MTHFD2: variants seen among roughly 807,000 people sequenced by gnomAD.
MTHFD2 encodes the protein methylenetetrahydrofolate dehydrogenase (NADP+ dependent) 2, methenyltetrahydrofolate cyclohydrolase.
MTHFD2 carries 26 observed loss-of-function variants against 36.8 expected under a neutral mutation model. The ratio of observed to expected loss-of-function variants is 0.71; its 90% CI spans 0.52 to 0.98. MTHFD2 has a LOEUF of 0.98. MTHFD2 is among the 50% of genes least tolerant of loss of function. MTHFD2 has a pLI of 0.00. For synonymous variants in MTHFD2, 164 were observed against 155.2 expected, an observed-to-expected ratio of 1.06 and a Z score of -0.42; for missense variants, 373 against 434.0, an observed-to-expected ratio of 0.86 and a Z score of 1.25.
chr2:74,202,467 T>C (rs1694063224), intron 1 of MTHFD2, among the ~76,000 whole-genome samples: 2 of 152,126 alleles, frequency 1.3e-5, no homozygotes, highest in South Asian at 4.1e-4. Flanking sequence ...AAATCAGGAA[T>C]GAGGAATGTT....
chr2:74,207,778 A>C lies in MTHFD2; in HGVS notation c.361A>C (p.Asn121His). 1 of 1,607,552 alleles carries C rather than the reference A, an allele frequency of 6.2e-7. No individual in the cohort carries two copies. The highest frequency in any genetic ancestry group is 8.5e-7 in the Non-Finnish European group (1 of 1,174,672). Residue 121 changes from asparagine to histidine, a missense_variant, in exon 3 of 8, where the codon AAT (asparagine) becomes CAT (histidine). This residue lies in a region of MTHFD2 where 308 missense variants were observed against 397.8 expected (regional missense o/e 0.77). Transcript: ENST00000394053. ...EELLNLINKL[N>H]NDDNVDGLLV... Reference sequence around the variant, plus strand: ...ATTGTTGAATTTAATCAATAAACTGAATAATGATGATAATGTAGATGGCCT... The same window carrying C: ...ATTGTTGAATTTAATCAATAAACTGCATAATGATGATAATGTAGATGGCCT...
At position 74,214,544 on chromosome 2, in the gene MTHFD2, A is replaced by G. The variant is rs1168333457; in HGVS notation, c.*302A>G. ...CTTCACTTTGTCAAGCACCTCAGTT[A>G]CACATTCGCCTTTTCTAGGATTGCA... On this transcript the variant is annotated 3_prime_UTR_variant, in exon 8 of 8. Coordinates refer to ENST00000394053, the MANE Select transcript of MTHFD2 (RefSeq NM_006636.4). 5.6e-6 allele frequency: 1 copy of G among 178,076 alleles called. No individual in the cohort carries two copies. The highest frequency in any genetic ancestry group is 1.2e-5 in the Non-Finnish European group (1 of 83,996). The allele number at this position is 178,076 out of a possible 1,614,324, so 11.0% of individuals were successfully genotyped here.
chr2:74,211,583 A>T (rs1694304641), intron 6 of MTHFD2, 158 bp from the exon 7 acceptor site: 5 of 697,724 alleles, frequency 7.2e-6, no homozygotes, highest in Non-Finnish European at 1.0e-5. Flanking sequence ...AAATAAAAAA[A>T]TAATAAAAGT....
In MTHFD2 at chr2:74,211,762, C is replaced by T. The variant is rs1490032539; in HGVS notation, c.785C>T (p.Ala262Val). 1 of 1,610,956 alleles carries T rather than the reference C, an allele frequency of 6.2e-7. No homozygotes were observed. The change falls in exon 7 of 8, where the codon GCA becomes GTA. Residue 262 changes from alanine to valine, a missense_variant. Ala to Val is a moderately conservative substitution (Grantham distance 64). This residue lies in a region of MTHFD2 where 308 missense variants were observed against 397.8 expected (regional missense o/e 0.77). Coordinates refer to ENST00000394053, the MANE Select transcript of MTHFD2 (RefSeq NM_006636.4). ...CCAGGTATTCCAAATCTGATCACAG[C>T]AGATATGATCAAGGAAGGAGCAGCA... Reference protein sequence around the residue: ...SAAGIPNLITADMIKEGAAVI... With the variant: ...SAAGIPNLITVDMIKEGAAVI...
rs533073907 is a variant in MTHFD2, at chr2:74,205,963, A to T, written c.286+74A>T. On this transcript the variant is annotated intron_variant, in intron 2 of 7. Transcript: ENST00000394053. ...GAGGCAAAGTCCATTCTAATTTATG[A>T]TTTCTTTTTTCTGATTAGGAAACCC... 8 of 1,484,584 alleles carry T rather than the reference A, an allele frequency of 5.4e-6. No homozygotes were observed. The African/African-American group carries it at 1.1e-4, about 21-fold the overall frequency. The allele number at this position is 1,484,584 out of a possible 1,614,324, so 92.0% of individuals were successfully genotyped here. A position where few individuals can be genotyped will look rare whatever the true frequency, so the allele number is the denominator to read the frequency against.
chr2:74,213,546 C>A (rs1694359198), intron 7 of MTHFD2, among the ~76,000 whole-genome samples: 1 of 152,050 alleles, frequency 6.6e-6, no homozygotes, highest in African/African-American at 2.4e-5. Flanking sequence ...TGCCTCAGCC[C>A]CCCAGAGTGC....
intron 7 of MTHFD2, among the ~76,000 whole-genome samples, chr2:74,212,263 CTTT>C (rs398042480): frequency 2.8e-5 from 1 of 35,718 alleles, no homozygotes; most frequent in African/African-American, 1.4e-4. Context: ...GTTTCTTTCT[CTTT>C]TTTTTTTTTT....
At chr2:74,207,873 T>C (rs1477520147) in intron 3 of MTHFD2, 47 bp downstream of exon 3, 2 of 1,542,780 alleles carry the variant, frequency 1.3e-6, no homozygotes, top group Admixed American at 3.5e-5. Flanking sequence ...CTTCTGCTCC[T>C]TTCCCTCTCC....
At chr2:74,206,880 G>T (rs1694194346) in intron 2 of MTHFD2, among the ~76,000 whole-genome samples, 1 of 151,718 alleles carries the variant, frequency 6.6e-6, no homozygotes, top group South Asian at 2.1e-4. Flanking sequence ...GGCGAATTTT[G>T]TATTTTTAGT....
intron 3 of MTHFD2, 97 bp from the exon 4 acceptor site, chr2:74,208,472 A>G (rs1694231857): frequency 2.2e-6 from 3 of 1,385,354 alleles, no homozygotes; most frequent in Non-Finnish European, 3.0e-6. Flanking sequence ...GGCAAGCTGT[A>G]GAAGAATAGA....
chr2:74,201,386 ATC>A (rs1694039393), intron 1 of MTHFD2, among the ~76,000 whole-genome samples: 1 of 149,406 alleles, frequency 6.7e-6, no homozygotes, highest in Non-Finnish European at 1.5e-5. Flanking sequence ...TGGCAGGGGA[ATC>A]TCTCCCTAGG....
chr2:74,214,670 T>G lies in MTHFD2; in HGVS notation c.*428T>G, dbSNP rs1431936419. On this transcript the variant is annotated 3_prime_UTR_variant, in exon 8 of 8. Coordinates refer to ENST00000394053, the MANE Select transcript of MTHFD2 (RefSeq NM_006636.4). ...AAAGGAAAAGTGTTGCTAGAGAAAATTAGGGAAAAGGTGAAAAAGAAAAAA... is the reference window on the plus strand; with the variant it reads ...AAAGGAAAAGTGTTGCTAGAGAAAAGTAGGGAAAAGGTGAAAAAGAAAAAA... The G allele has an allele frequency of 6.5e-6, 1 of 152,712 alleles. No homozygotes were observed. The highest frequency in any genetic ancestry group is 1.9e-4 in the East Asian group (1 of 5,182). 9.5% of individuals were successfully genotyped at this position (152,712 alleles called of 1,614,324 possible).
chr2:74,208,269 C>T (rs1475925030), intron 3 of MTHFD2, among the ~76,000 whole-genome samples: 1 of 152,164 alleles, frequency 6.6e-6, no homozygotes, highest in East Asian at 1.9e-4. Context: ...GCAAAATAAA[C>T]TCAAAAGAGT....
At chr2:74,213,256 C>G (rs1265796123) in intron 7 of MTHFD2, among the ~76,000 whole-genome samples, 1 of 138,074 alleles carries the variant, frequency 7.2e-6, no homozygotes, top group Non-Finnish European at 1.6e-5. Context: ...TGCTGATAAT[C>G]CTTTTTTTCT....
intron 1 of MTHFD2, 136 bp downstream of exon 1, chr2:74,198,878 G>A: frequency 2.5e-6 from 2 of 795,768 alleles, no homozygotes; most frequent in Non-Finnish European, 3.7e-6. Context: ...CCGCTGAGGG[G>A]TGTGGCGGGG....
intron 7 of MTHFD2, among the ~76,000 whole-genome samples, chr2:74,212,263 C>CTTTTTTTTTTT (rs398042480): frequency 4.8e-4 from 17 of 35,708 alleles, no homozygotes; most frequent in Non-Finnish European, 6.4e-4. Context: ...GTTTCTTTCT[C>CTTTTTTTTTTT]TTTTTTTTTT....
intron 5 of MTHFD2, among the ~76,000 whole-genome samples, chr2:74,210,694 A>G (rs990095611): frequency 5.9e-5 from 9 of 152,188 alleles, no homozygotes; most frequent in African/African-American, 2.2e-4. Context: ...GCTGGGACCA[A>G]TGGGTTAAAG....
intron 1 of MTHFD2, among the ~76,000 whole-genome samples, chr2:74,202,190 C>T (rs931012863): frequency 3.9e-5 from 6 of 151,902 alleles, no homozygotes; most frequent in African/African-American, 1.2e-4. Flanking sequence ...AGTGTATATA[C>T]TTATATATAT....
chr2:74,217,380 T>G lies in MTHFD2; in HGVS notation c.*3138T>G, dbSNP rs1323033345. 6.6e-6 allele frequency: 1 copy of G among 152,250 alleles called. No individual in the cohort carries two copies. Among genetic ancestry groups the G allele is most frequent in the Non-Finnish European group, 1.5e-5 (1 of 68,046 alleles). 9.4% of individuals were successfully genotyped at this position (152,250 alleles called of 1,614,324 possible). On this transcript the variant is annotated 3_prime_UTR_variant, in exon 8 of 8. Transcript: ENST00000394053. ...ATCTTAAGTTTCATGAGGAATAGGT[T>G]TGCTTCATTGAAACTGGTTTTTATC...
Sources: allele counts gnomAD v4.1 joint callset (sites outside exome capture counted in the v4.1 genomes callset), GRCh38; gene constraint gnomAD v4.1.1; regional missense constraint gnomAD v4.1.1; transcripts MANE v1.5; gene names NCBI Gene and HGNC (gene_info 2026-07-23, HGNC 2026-07-21).